The following ZFPM2 variants were observed in gnomAD, a reference collection of about 807,000 sequenced individuals.
The protein encoded by ZFPM2 is zinc finger protein, FOG family member 2, also known as zinc finger protein ZFPM2.
Under a neutral mutation model 98.6 loss-of-function variants are expected in ZFPM2, and 20 were observed. The observed-to-expected ratio is 0.20, with a 90% confidence interval of 0.14 to 0.29. The LOEUF (loss-of-function observed/expected upper bound fraction) is 0.29. Ranked by LOEUF, ZFPM2 falls within the 10% of genes least tolerant of loss-of-function variation. ZFPM2 has a pLI of 1.00. For synonymous variants in ZFPM2, 518 were observed against 502.7 expected (o/e 1.03, Z -0.41); for missense variants, 1,310 against 1,388.6 (o/e 0.94, Z 0.90).
intron 3 of ZFPM2, among the ~76,000 whole-genome samples, chr8:105,519,628 CA>C (rs1339828459): frequency 6.6e-6 from 1 of 151,910 alleles, no homozygotes; most frequent in East Asian, 1.9e-4. Context: ...TTGGGGAACA[CA>C]TTGATATTAT....
At chr8:105,459,069 G>A (rs1014734202) in intron 3 of ZFPM2, among the ~76,000 whole-genome samples, 1 of 152,042 alleles carries the variant, frequency 6.6e-6, no homozygotes, top group African/African-American at 2.4e-5. Context: ...TCACTTGAAT[G>A]GCCCTTCTTT....
At chr8:105,525,393 AG>A in intron 3 of ZFPM2, among the ~76,000 whole-genome samples, 1 of 152,326 alleles carries the variant, frequency 6.6e-6, no homozygotes, top group South Asian at 2.1e-4. Flanking sequence ...AAGATGATAA[AG>A]GTGAGGGGGC....
At chr8:105,721,685 C>T (rs1219253404) in intron 5 of ZFPM2, among the ~76,000 whole-genome samples, 1 of 151,870 alleles carries the variant, frequency 6.6e-6, no homozygotes, top group Non-Finnish European at 1.5e-5. Flanking sequence ...GTAAAATAGA[C>T]ACAATATTCT....
chr8:105,710,143 AC>A (rs1039846002), intron 5 of ZFPM2, among the ~76,000 whole-genome samples: 2 of 151,902 alleles, frequency 1.3e-5, no homozygotes, highest in Non-Finnish European at 2.9e-5. Flanking sequence ...GATAAAAAAA[AC>A]TTTACGTTTG....
At chr8:105,353,855 T>G (rs1812692825) in intron 1 of ZFPM2, among the ~76,000 whole-genome samples, 1 of 152,180 alleles carries the variant, frequency 6.6e-6, no homozygotes, top group Non-Finnish European at 1.5e-5. Flanking sequence ...TATGAAAAGT[T>G]GTTTGTTTTT....
chr8:105,761,894 A>G (rs1025535800), intron 5 of ZFPM2, among the ~76,000 whole-genome samples: 2 of 152,018 alleles, frequency 1.3e-5, no homozygotes, highest in Non-Finnish European at 2.9e-5. Flanking sequence ...TAGCATAAGG[A>G]CTGAAGCACA....
At chr8:105,401,906 T>C (rs1220821079) in intron 1 of ZFPM2, among the ~76,000 whole-genome samples, 1 of 152,146 alleles carries the variant, frequency 6.6e-6, no homozygotes, top group East Asian at 1.9e-4. Context: ...TTATGGAATC[T>C]TGTAAAGATT....
At chr8:105,795,283 T>TGG (rs1454256497) in intron 6 of ZFPM2, among the ~76,000 whole-genome samples, 15 of 150,222 alleles carry the variant, frequency 1.0e-4, no homozygotes, top group South Asian at 2.1e-4. Context: ...TGTGTGTGTG[T>TGG]GGTCAATTGT....
At chr8:105,330,527 T>C (rs1454868271) in intron 1 of ZFPM2, among the ~76,000 whole-genome samples, 4 of 94,888 alleles carry the variant, frequency 4.2e-5, no homozygotes, top group African/African-American at 8.6e-5. Flanking sequence ...ACAATTTCTC[T>C]CTCTCTCTCT....
intron 1 of ZFPM2, among the ~76,000 whole-genome samples, chr8:105,332,255 G>A (rs1461577994): frequency 2.2e-4 from 33 of 151,736 alleles, no homozygotes; most frequent in Middle Eastern, 6.8e-3. Context: ...CATAACTTAC[G>A]TATTTGTTAG....
chr8:105,502,789 A>T (rs1813623684), intron 3 of ZFPM2, among the ~76,000 whole-genome samples: 1 of 152,222 alleles, frequency 6.6e-6, no homozygotes, highest in African/African-American at 2.4e-5. Flanking sequence ...ATCAACAAGC[A>T]AGGAGATATG....
chr8:105,679,482 G>C (rs1810551260), intron 5 of ZFPM2, among the ~76,000 whole-genome samples: 1 of 152,160 alleles, frequency 6.6e-6, no homozygotes, highest in African/African-American at 2.4e-5. Flanking sequence ...TCAATTTGGA[G>C]CTTGAAGACG....
intron 5 of ZFPM2, among the ~76,000 whole-genome samples, chr8:105,636,759 G>A (rs999360344): frequency 2.0e-5 from 3 of 152,182 alleles, no homozygotes; most frequent in Non-Finnish European, 4.4e-5. Flanking sequence ...ATGATGAACT[G>A]TATGAATTGC....
At chr8:105,602,016 C>T (rs1317183701) in intron 4 of ZFPM2, among the ~76,000 whole-genome samples, 1 of 152,042 alleles carries the variant, frequency 6.6e-6, no homozygotes, top group Admixed American at 6.6e-5. Flanking sequence ...TGGCTTCATT[C>T]TCCTTCCTCT....
intron 5 of ZFPM2, among the ~76,000 whole-genome samples, chr8:105,678,106 C>A (rs2130915669): frequency 6.6e-6 from 1 of 152,304 alleles, no homozygotes; most frequent in East Asian, 1.9e-4. Flanking sequence ...CACACACTGA[C>A]TTCCTGTCAT....
chr8:105,632,160 T>C (rs1264818227), intron 4 of ZFPM2, among the ~76,000 whole-genome samples: 1 of 151,968 alleles, frequency 6.6e-6, no homozygotes, highest in Non-Finnish European at 1.5e-5. Context: ...TTTTGTTTTG[T>C]TTTGTTTTGT....
chr8:105,801,329 C>A lies in ZFPM2; in HGVS notation c.1247C>A (p.Thr416Asn). 6.2e-7 allele frequency: 1 copy of A among 1,613,904 alleles called. No individual in the cohort carries two copies. The change falls in exon 8 of 8, where the codon ACC becomes AAC. Residue 416 changes from threonine to asparagine, a missense_variant. Physicochemically the swap from Thr to Asn is moderately conservative, Grantham distance 65. Coordinates refer to ENST00000407775, the MANE Select transcript of ZFPM2 (RefSeq NM_012082.4). ...DSLQPATDLL[T>N]RSELPQSQKA... The stretch of plus-strand genomic sequence containing the variant: ...TTACAGCCAGCCACAGACTTATTGA[C>A]CAGAAGCGAACTTCCCCAGAGCCAA...
intron 5 of ZFPM2, among the ~76,000 whole-genome samples, chr8:105,724,691 A>G (rs1360252497): frequency 6.6e-6 from 1 of 151,856 alleles, no homozygotes; most frequent in Non-Finnish European, 1.5e-5. Context: ...CATTTGTTTA[A>G]ATTTCTCTAG....
chr8:105,393,334 T>C (rs6469002), intron 1 of ZFPM2, among the ~76,000 whole-genome samples: 81,206 of 123,956 alleles, frequency 0.66, 23,267 homozygotes, highest in East Asian at 0.72. Flanking sequence ...CTCTCTCTCT[T>C]TGCCTTTCTT....
Sources: allele counts gnomAD v4.1 joint callset (sites outside exome capture counted in the v4.1 genomes callset), GRCh38; gene constraint gnomAD v4.1.1; transcripts MANE v1.5; gene names NCBI Gene and HGNC (gene_info 2026-07-23, HGNC 2026-07-21).